PCDH17: variants seen among roughly 807,000 people sequenced by gnomAD.
PCDH17 encodes protocadherin-17.
Under a neutral mutation model 67.7 loss-of-function variants are expected in PCDH17, and 21 were observed. The observed-to-expected ratio is 0.31, with a 90% CI of 0.22 to 0.45. The LOEUF (loss-of-function observed/expected upper bound fraction) is 0.45. Among genes scored for constraint, PCDH17 ranks in the 20% least tolerant of loss-of-function variants. The pLI is 1.00. For synonymous variants in PCDH17, 701 were observed against 656.7 expected, an observed-to-expected ratio of 1.07 and a Z score of -1.03; for missense variants, 1,471 against 1,564.8, an observed-to-expected ratio of 0.94 and a Z score of 1.01.
intron 3 of PCDH17, among the ~76,000 whole-genome samples, chr13:57,692,562 G>T (rs1955568896): frequency 6.6e-6 from 1 of 151,196 alleles, no homozygotes; most frequent in Non-Finnish European, 1.5e-5. Context: ...ATGTTAAAAT[G>T]CTATATGTAT....
rs1199271615 is a variant in PCDH17, at chr13:57,635,074, C to T, written c.2528C>T (p.Ala843Val). The T allele has an allele frequency of 6.2e-7, 1 of 1,613,516 alleles. No homozygotes were observed. Among genetic ancestry groups the T allele is most frequent in the South Asian group, 1.1e-5 (1 of 91,070 alleles). The change falls in exon 1 of 4, where the codon GCA becomes GTA. Residue 843 changes from alanine to valine, a missense_variant. Ala to Val is a moderately conservative substitution (Grantham distance 64, BLOSUM62 0). Transcript: ENST00000377918. ...HTSFTGQGTN[A>V]SETPATRMSI... ...AGCTTCACCGGACAAGGGACTAATG[C>T]AAGCGAGACCCCTGCCACTCGGATG...
chr13:57,715,335 G>T (rs1465599251), intron 3 of PCDH17, among the ~76,000 whole-genome samples: 1 of 151,680 alleles, frequency 6.6e-6, no homozygotes, highest in African/African-American at 2.4e-5. Context: ...CGTAGTGTTT[G>T]ATAACTTTTA....
At chr13:57,705,209 T>C (rs976024083) in intron 3 of PCDH17, among the ~76,000 whole-genome samples, 1 of 152,026 alleles carries the variant, frequency 6.6e-6, no homozygotes, top group Non-Finnish European at 1.5e-5. Context: ...TAATATATAG[T>C]ATATTTTAGT....
chr13:57,728,724 G>A lies in PCDH17; in HGVS notation c.*3430G>A, dbSNP rs944435940. 4 of 151,944 alleles carry A rather than the reference G, an allele frequency of 2.6e-5. No individual in the cohort carries two copies. Among genetic ancestry groups the A allele is most frequent in the African/African-American group, 9.7e-5 (4 of 41,394 alleles). 9.4% of individuals were successfully genotyped at this position (151,944 alleles called of 1,614,324 possible). Reference sequence around the variant, plus strand: ...CAAAGATTGGCTCACTACTCCATAGGTTAATTGAATTCCTGGTTGAGAAAC... The same window carrying A: ...CAAAGATTGGCTCACTACTCCATAGATTAATTGAATTCCTGGTTGAGAAAC... On this transcript the variant is annotated 3_prime_UTR_variant, in exon 4 of 4. Transcript: ENST00000377918.
At chr13:57,662,421 AT>A (rs765120708) in intron 1 of PCDH17, among the ~76,000 whole-genome samples, 5 of 152,214 alleles carry the variant, frequency 3.3e-5, no homozygotes, top group South Asian at 4.1e-4. Context: ...AATTTATTTC[AT>A]TTTTTTATAA....
chr13:57,709,547 G>C (rs1955755652), intron 3 of PCDH17: 2 of 151,808 alleles, frequency 1.3e-5, no homozygotes, highest in South Asian at 2.1e-4. Context: ...TTTAGATATT[G>C]ATCATTCTAA....
intron 3 of PCDH17, among the ~76,000 whole-genome samples, chr13:57,670,990 C>T (rs767737508): frequency 2.0e-5 from 3 of 151,966 alleles, no homozygotes; most frequent in South Asian, 4.1e-4. Context: ...TGTTAATAAA[C>T]CCGTTAGTAG....
chr13:57,644,850 G>C (rs1165297516), intron 1 of PCDH17, among the ~76,000 whole-genome samples: 1 of 151,640 alleles, frequency 6.6e-6, no homozygotes, highest in East Asian at 1.9e-4. Flanking sequence ...ACGCTCTTCG[G>C]TTGCCTGGTT....
intron 3 of PCDH17, 35 bp downstream of exon 3, chr13:57,666,868 A>T (rs1593913211): frequency 6.5e-7 from 1 of 1,531,598 alleles, no homozygotes; most frequent in South Asian, 1.2e-5. Context: ...CAAAGTGTAA[A>T]GCTTAAGCAG....
intron 3 of PCDH17, among the ~76,000 whole-genome samples, chr13:57,694,329 C>T (rs1177409230): frequency 6.6e-6 from 1 of 151,156 alleles, no homozygotes; most frequent in South Asian, 2.1e-4. Flanking sequence ...ATTATGTCAG[C>T]AATACCTTGC....
At position 57,638,952 on chromosome 13, in the gene PCDH17, T is replaced by C. The variant is rs535946071; in HGVS notation, c.2565+3841T>C. On this transcript the variant is annotated intron_variant, in intron 1 of 3. Transcript: ENST00000377918. ...TTTCATACTCTAGCCTATTAATGAT[T>C]TCAGTAACAAATACAAAGTGCGTGA... is the stretch of plus-strand genomic sequence containing the variant. Among the ~76,000 whole-genome samples the C allele has an allele frequency of 3.4e-3, 517 of 152,184 alleles. 1 individual carries two copies. The highest frequency in any genetic ancestry group is 6.5e-3 in the Non-Finnish European group (440 of 67,924).
chr13:57,705,438 G>A (rs1955712802), intron 3 of PCDH17, among the ~76,000 whole-genome samples: 1 of 152,022 alleles, frequency 6.6e-6, no homozygotes, highest in Non-Finnish European at 1.5e-5. Context: ...TTAAGTATCT[G>A]ACTAAGAACA....
intron 1 of PCDH17, among the ~76,000 whole-genome samples, chr13:57,656,160 C>T (rs1955100586): frequency 6.6e-6 from 1 of 152,080 alleles, no homozygotes. Context: ...TACAGTAATA[C>T]TGTTTTGTAG....
chr13:57,720,776 T>C (rs567652290), intron 3 of PCDH17, among the ~76,000 whole-genome samples: 4 of 152,220 alleles, frequency 2.6e-5, no homozygotes, highest in African/African-American at 9.6e-5. Flanking sequence ...TGGTTTATGG[T>C]GCAGGTAAAC....
rs561876211 is a variant in PCDH17, at chr13:57,666,471, G to A, written c.2569G>A (p.Asp857Asn). ...TTTTTTTCCTTCTCTTTCACAGACAGACAATTTTCCCGCAGAGCCCAATTA... is the reference window on the plus strand; with the variant it reads ...TTTTTTTCCTTCTCTTTCACAGACAAACAATTTTCCCGCAGAGCCCAATTA... ...PATRMSIIQT[D>N]NFPAEPNYMG... Residue 857 changes from aspartate to asparagine, a missense_variant, in exon 2 of 4, where the codon GAC (aspartate) becomes AAC (asparagine). Asp to Asn is a conservative substitution (Grantham distance 23, BLOSUM62 1). Coordinates refer to ENST00000377918, the MANE Select transcript of PCDH17 (RefSeq NM_001040429.3). 7 of 1,613,534 alleles carry A rather than the reference G, an allele frequency of 4.3e-6. No individual in the cohort carries two copies. The highest frequency in any genetic ancestry group is 1.7e-4 in the Middle Eastern group (1 of 6,058).
chr13:57,639,486 T>G (rs1343445292), intron 1 of PCDH17, among the ~76,000 whole-genome samples: 1 of 151,884 alleles, frequency 6.6e-6, no homozygotes, highest in African/African-American at 2.4e-5. Context: ...ACAGAAAGTA[T>G]AAAGCTAGAA....
intron 3 of PCDH17, among the ~76,000 whole-genome samples, chr13:57,703,576 G>T (rs1955688943): frequency 6.6e-6 from 1 of 151,956 alleles, no homozygotes; most frequent in Non-Finnish European, 1.5e-5. Flanking sequence ...CTGTTCAAAG[G>T]CTTCAGATTA....
intron 1 of PCDH17, among the ~76,000 whole-genome samples, chr13:57,662,100 C>G (rs984393160): frequency 6.6e-6 from 1 of 152,140 alleles, no homozygotes; most frequent in Non-Finnish European, 1.5e-5. Flanking sequence ...CTCCTGGCCT[C>G]AAGTGATCCA....
At chr13:57,698,683 C>G (rs1040200564) in intron 3 of PCDH17, among the ~76,000 whole-genome samples, 4 of 126,788 alleles carry the variant, frequency 3.2e-5, no homozygotes, top group African/African-American at 1.2e-4. Flanking sequence ...CATATTTTCT[C>G]TCACTCTGAA....
Sources: allele counts gnomAD v4.1 joint callset (sites outside exome capture counted in the v4.1 genomes callset), GRCh38; gene constraint gnomAD v4.1.1; transcripts MANE v1.5; gene names NCBI Gene and HGNC (gene_info 2026-07-23, HGNC 2026-07-21).